MYO3A: variants seen among roughly 807,000 people sequenced by gnomAD.
MYO3A encodes the protein myosin-IIIa.
A neutral mutation model predicts 192.7 loss-of-function variants in MYO3A; 180 were observed. The ratio of observed to expected loss-of-function variants is 0.93; its 90% confidence interval spans 0.83 to 1.06. The LOEUF (loss-of-function observed/expected upper bound fraction) is 1.06. MYO3A is among the 50% of genes least tolerant of loss of function. MYO3A has a pLI of 0.00. For missense variants in MYO3A, 1,896 were observed against 1,905.0 expected (o/e 1.00, Z 0.09); for synonymous variants, 628 against 645.3 (o/e 0.97, Z 0.41).
intron 10 of MYO3A, among the ~76,000 whole-genome samples, chr10:26,053,115 A>G (rs962693396): frequency 2.6e-5 from 4 of 152,144 alleles, no homozygotes; most frequent in Admixed American, 2.6e-4. Context: ...AGTAACAAGA[A>G]TGGAAAGCAC....
At position 26,021,499 on chromosome 10, in the gene MYO3A, C is replaced by G. The variant is rs760205281; in HGVS notation, c.586-4C>G. The G allele has an allele frequency of 1.9e-6, 3 of 1,613,902 alleles. No individual in the cohort carries two copies. Among genetic ancestry groups the G allele is most frequent in the Admixed American group, 1.7e-5 (1 of 60,022 alleles). On this transcript the variant is annotated splice_region_variant and splice_polypyrimidine_tract_variant and intron_variant, in intron 7 of 34. Transcript: ENST00000642920. ...CACCTTTTGATGGTGTGGTTTTCTACTAGGTGATTGCATGTGAACAGCAAT... is the reference window on the plus strand; with the variant it reads ...CACCTTTTGATGGTGTGGTTTTCTAGTAGGTGATTGCATGTGAACAGCAAT...
intron 15 of MYO3A, among the ~76,000 whole-genome samples, chr10:26,092,086 A>C (rs890889553): frequency 6.6e-6 from 1 of 152,248 alleles, no homozygotes; most frequent in Non-Finnish European, 1.5e-5. Flanking sequence ...CTGCATATCC[A>C]GGAGGAGAGA....
Position 26,092,546 on chromosome 10 carries a change from A to G in MYO3A, c.1563-3835A>G, listed in dbSNP as rs146043196. On this transcript the variant is annotated intron_variant, in intron 15 of 34. Coordinates refer to ENST00000642920, the MANE Select transcript of MYO3A (RefSeq NM_017433.5). ...ACTTCGTTGAAGATTCAAAGGTTTC[A>G]CAGGTGAGTTAAGCTATACCCTTGT... Among the ~76,000 whole-genome samples the G allele has an allele frequency of 1.3e-3, 193 of 152,216 alleles. 3 individuals carry two copies. The highest frequency in any genetic ancestry group is 4.3e-3 in the African/African-American group (178 of 41,532).
chr10:25,980,914 C>G (rs1291833822), intron 4 of MYO3A, among the ~76,000 whole-genome samples: 1 of 152,082 alleles, frequency 6.6e-6, no homozygotes, highest in Admixed American at 6.6e-5. Flanking sequence ...TGGATTTTGA[C>G]AACTGTATGA....
chr10:26,194,109 C>A (rs942363834), intron 32 of MYO3A, among the ~76,000 whole-genome samples: 8 of 152,170 alleles, frequency 5.3e-5, no homozygotes, highest in Non-Finnish European at 5.9e-5. Context: ...TCATTTCCCC[C>A]CTCTAATCTC....
chr10:26,171,281 C>T (rs1564617943), intron 29 of MYO3A, among the ~76,000 whole-genome samples: 1 of 152,084 alleles, frequency 6.6e-6, no homozygotes. Context: ...AAGATCATTC[C>T]AGCCCCAACC....
At position 26,051,233 on chromosome 10, in the gene MYO3A, C is replaced by A. The variant is rs1843982278; in HGVS notation, c.954-15742C>A. ...CACGTAATATTCTTTATCACTGTATCAAATACATGAAGGATGGTGGTCAGA... is the reference window on the plus strand; with the variant it reads ...CACGTAATATTCTTTATCACTGTATAAAATACATGAAGGATGGTGGTCAGA... On this transcript the variant is annotated intron_variant, in intron 10 of 34. Transcript: ENST00000642920. Among the ~76,000 whole-genome samples the A allele has an allele frequency of 2.0e-5, 3 of 152,054 alleles. No individual in the cohort carries two copies. In the South Asian group the frequency reaches 6.2e-4, roughly 31 times the overall value.
intron 26 of MYO3A, 110 bp from the exon 27 acceptor site, chr10:26,165,957 A>C (rs1441348619): frequency 1.1e-6 from 1 of 906,148 alleles, no homozygotes; most frequent in Non-Finnish European, 1.8e-6. Flanking sequence ...CTCCGCATCA[A>C]GTCTGGGCAT....
chr10:26,099,914 C>T (rs567981461), intron 17 of MYO3A, among the ~76,000 whole-genome samples: 88 of 152,238 alleles, frequency 5.8e-4, no homozygotes, highest in Non-Finnish European at 8.8e-4. Context: ...GTCAGGCTGA[C>T]GCTGGCCTCA....
intron 17 of MYO3A, among the ~76,000 whole-genome samples, chr10:26,103,773 C>T (rs530479993): frequency 3.5e-4 from 53 of 152,178 alleles, no homozygotes; most frequent in Non-Finnish European, 7.3e-4. Context: ...TTCAACTGTT[C>T]TCCAAAATCA....
chr10:25,992,530 G>A (rs1840108533), intron 4 of MYO3A, among the ~76,000 whole-genome samples: 1 of 152,238 alleles, frequency 6.6e-6, no homozygotes. Context: ...GCCCTGGCCA[G>A]AACTTCCAAC....
chr10:26,159,558 T>G (rs1841374636), intron 26 of MYO3A, among the ~76,000 whole-genome samples: 1 of 150,906 alleles, frequency 6.6e-6, no homozygotes, highest in African/African-American at 2.4e-5. Flanking sequence ...TTTTTGTATT[T>G]TTATTAGAGA....
intron 8 of MYO3A, 126 bp from the exon 9 acceptor site, chr10:26,023,896 G>A: frequency 1.2e-6 from 1 of 849,760 alleles, no homozygotes; most frequent in East Asian, 2.5e-5. Flanking sequence ...CTTGGAATTG[G>A]GAAAAGATGG....
intron 4 of MYO3A, among the ~76,000 whole-genome samples, chr10:25,976,411 T>G (rs1427122250): frequency 2.0e-5 from 3 of 152,142 alleles, no homozygotes; most frequent in Non-Finnish European, 1.5e-5. Flanking sequence ...AAAACATTAT[T>G]AGAATAAACA....
At chr10:26,201,046 C>T in intron 32 of MYO3A, 1 of 235,028 alleles carries the variant, frequency 4.3e-6, no homozygotes, top group Admixed American at 5.5e-5. Context: ...TGCAAAGATT[C>T]GTTTCAGTTT....
intron 10 of MYO3A, among the ~76,000 whole-genome samples, chr10:26,046,977 G>C (rs1229493479): frequency 6.6e-6 from 1 of 152,056 alleles, no homozygotes; most frequent in Non-Finnish European, 1.5e-5. Context: ...TGAAGGTTTA[G>C]GTAAGATTCC....
intron 10 of MYO3A, among the ~76,000 whole-genome samples, chr10:26,027,381 G>T (rs1842604240): frequency 6.6e-6 from 1 of 151,748 alleles, no homozygotes; most frequent in Admixed American, 6.6e-5. Context: ...GTCTCACTTT[G>T]TCTCCTAGGC....
intron 2 of MYO3A, among the ~76,000 whole-genome samples, chr10:25,951,145 T>C (rs1837186611): frequency 6.6e-6 from 1 of 152,186 alleles, no homozygotes; most frequent in Admixed American, 6.5e-5. Flanking sequence ...ATCAGATACA[T>C]AAATGCTATC....
rs182748186 is a variant in MYO3A at position 26,151,879 on chromosome 10, C to T, written c.2636-1971C>T. Among the ~76,000 whole-genome samples the T allele has an allele frequency of 5.3e-5, 8 of 152,336 alleles. No homozygotes were observed. The East Asian group carries it at 5.8e-4, about 11-fold the overall frequency. On this transcript the variant is annotated intron_variant, in intron 23 of 34. Coordinates refer to ENST00000642920, the MANE Select transcript of MYO3A (RefSeq NM_017433.5). ...GGATCAATGTCCTTACACTGCTTGA[C>T]GCACAATGTATGAAACCTGTTTTTC...
Sources: allele counts gnomAD v4.1 joint callset (sites outside exome capture counted in the v4.1 genomes callset), GRCh38; gene constraint gnomAD v4.1.1; transcripts MANE v1.5; gene names NCBI Gene and HGNC (gene_info 2026-07-23, HGNC 2026-07-21).